The following RYR3 variants were observed in gnomAD, a reference collection of about 807,000 sequenced individuals.
RYR3 encodes the protein ryanodine receptor 3, also known as brain ryanodine receptor-calcium release channel.
A neutral mutation model predicts 584.3 loss-of-function variants in RYR3; 207 were observed. That is an observed-to-expected ratio of 0.35 (90% CI 0.32 to 0.40). The LOEUF (loss-of-function observed/expected upper bound fraction) is 0.40. Among genes scored for constraint, RYR3 ranks in the 10% least tolerant of loss-of-function variants. The pLI, the probability that RYR3 is intolerant of heterozygous loss-of-function variation, is 1.00. For synonymous variants in RYR3, 2,416 were observed against 2,248.5 expected, an observed-to-expected ratio of 1.07 and a Z score of -2.11; for missense variants, 5,616 against 6,089.2, an observed-to-expected ratio of 0.92 and a Z score of 2.59.
At chr15:33,503,055 A>C (rs1469432296) in intron 2 of RYR3, among the ~76,000 whole-genome samples, 1 of 152,220 alleles carries the variant, frequency 6.6e-6, no homozygotes, top group South Asian at 2.1e-4. Context: ...AACTGATTCT[A>C]ATAAATTGGA....
Position 33,748,134 on chromosome 15 carries a change from G to T in RYR3, c.8010G>T (p.Trp2670Cys), listed in dbSNP as rs2070927866. The T allele has an allele frequency of 6.2e-7, 1 of 1,613,802 alleles. No homozygotes were observed. Among genetic ancestry groups the T allele is most frequent in the Non-Finnish European group, 8.5e-7 (1 of 1,179,836 alleles). ...LTEKEKEIYR[W>C]PARESLKTML... is the part of the protein sequence containing the mutation. ...TCTAGGAGAAGGAAATTTATCGCTG[G>T]CCTGCGCGAGAGTCCCTGAAAACCA... is the stretch of plus-strand genomic sequence containing the variant. Residue 2670 changes from tryptophan (W) to cysteine (C), a missense_variant, in exon 54 of 104, where the codon TGG becomes TGT. Physicochemically the swap from Trp to Cys is radical, Grantham distance 215 (BLOSUM62 -2). Transcript: ENST00000634891.
At chr15:33,728,701 G>A (rs1009208263) in intron 46 of RYR3, among the ~76,000 whole-genome samples, 156 bp from the exon 47 acceptor site, 2 of 152,130 alleles carry the variant, frequency 1.3e-5, no homozygotes, top group Admixed American at 6.5e-5. Flanking sequence ...TGCATTTCAG[G>A]TTTCAGATTT....
At chr15:33,768,316 T>G (rs926392099) in intron 60 of RYR3, among the ~76,000 whole-genome samples, 1 of 152,246 alleles carries the variant, frequency 6.6e-6, no homozygotes, top group Non-Finnish European at 1.5e-5. Context: ...TCTTCATTTA[T>G]CCCTGAATGT....
At chr15:33,463,315 C>T (rs1209311762) in intron 1 of RYR3, among the ~76,000 whole-genome samples, 1 of 152,106 alleles carries the variant, frequency 6.6e-6, no homozygotes, top group Non-Finnish European at 1.5e-5. Flanking sequence ...ATTCATTCTT[C>T]TCCATGGCTG....
rs189438870 is a variant in RYR3, at chr15:33,865,771, A to C, written c.*545A>C. The stretch of plus-strand genomic sequence containing the variant: ...TTTGTCGACACTGAAATATCGATTA[A>C]GTGCCTTAAAACCTCTTTAGACATA... On this transcript the variant is annotated 3_prime_UTR_variant, in exon 104 of 104. Transcript: ENST00000634891. 914 of 153,592 alleles carry C rather than the reference A, an allele frequency of 6.0e-3. 4 individuals carry two copies. The highest frequency in any genetic ancestry group is 9.4e-3 in the Non-Finnish European group (645 of 68,608). The allele number at this position is 153,592 out of a possible 1,614,324, so 9.5% of individuals were successfully genotyped here.
At chr15:33,732,225 CA>C (rs34543725) in intron 48 of RYR3, among the ~76,000 whole-genome samples, 17,163 of 132,638 alleles carry the variant, frequency 0.13, 1,055 homozygotes, top group East Asian at 0.3. Context: ...ACTAAAAATA[CA>C]AAAAAAAAAA....
intron 98 of RYR3, among the ~76,000 whole-genome samples, chr15:33,857,445 CTCTTTGAAG>C (rs2079808703): frequency 6.6e-6 from 1 of 152,054 alleles, no homozygotes; most frequent in Admixed American, 6.5e-5. Flanking sequence ...ACTTACTCAC[CTCTTTGAAG>C]GCTGTATCTC....
rs1333153531 is a variant in RYR3, at chr15:33,864,009, C to T, written c.14466-129C>T. ...GGTTTGTGTCCTTATGCCACACTTC[C>T]CTGATCATTTAAGTCACTGTAGATA... is the stretch of plus-strand genomic sequence containing the variant. On this transcript the variant is annotated intron_variant, in intron 102 of 103. Coordinates refer to ENST00000634891, the MANE Select transcript of RYR3 (RefSeq NM_001036.6). The T allele has an allele frequency of 1.6e-5, 10 of 630,024 alleles. No individual in the cohort carries two copies. The East Asian group carries it at 2.5e-4, about 16-fold the overall frequency. 39.0% of individuals were successfully genotyped at this position (630,024 alleles called of 1,614,324 possible). A position where few individuals can be genotyped will look rare whatever the true frequency, so the allele number is the denominator to read the frequency against.
intron 1 of RYR3, among the ~76,000 whole-genome samples, chr15:33,418,310 G>A (rs1205458043): frequency 1.3e-5 from 2 of 151,262 alleles, no homozygotes; most frequent in African/African-American, 4.9e-5. Context: ...TCTGGTCCAG[G>A]GCTTTTTCTC....
Position 33,670,567 on chromosome 15 carries a change from T to A in RYR3, c.5860+11T>A. ...AGGAGAGATGCCCCAGTAAGTGACATTGCCTTTAAATGACAGTGTGCTCTT... is the reference window on the plus strand; with the variant it reads ...AGGAGAGATGCCCCAGTAAGTGACAATGCCTTTAAATGACAGTGTGCTCTT... On this transcript the variant is annotated intron_variant, in intron 38 of 103. Coordinates refer to ENST00000634891, the MANE Select transcript of RYR3 (RefSeq NM_001036.6). The A allele has an allele frequency of 6.4e-7, 1 of 1,554,490 alleles. No individual in the cohort carries two copies. The highest frequency in any genetic ancestry group is 8.6e-7 in the Non-Finnish European group (1 of 1,158,004).
At chr15:33,717,322 G>C (rs1039612181) in intron 43 of RYR3, among the ~76,000 whole-genome samples, 1 of 152,114 alleles carries the variant, frequency 6.6e-6, no homozygotes, top group Non-Finnish European at 1.5e-5. Flanking sequence ...ACATCTTAAA[G>C]CTGAGTATGT....
At chr15:33,331,773 AAAATT>A (rs1483792079) in intron 1 of RYR3, among the ~76,000 whole-genome samples, 29 of 152,188 alleles carry the variant, frequency 1.9e-4, no homozygotes, top group African/African-American at 6.3e-4. Context: ...TAAGAAAAAC[AAAATT>A]AAATTAAAAT....
At chr15:33,375,691 A>C (rs1357229591) in intron 1 of RYR3, among the ~76,000 whole-genome samples, 1 of 152,216 alleles carries the variant, frequency 6.6e-6, no homozygotes, top group Non-Finnish European at 1.5e-5. Context: ...TACACAGTAA[A>C]ATGCACAGAT....
intron 16 of RYR3, among the ~76,000 whole-genome samples, chr15:33,589,510 C>T (rs894380456): frequency 6.6e-6 from 1 of 152,074 alleles, no homozygotes; most frequent in African/African-American, 2.4e-5. Context: ...GTGCTTCTGA[C>T]GTCTTAGTCA....
intron 38 of RYR3, among the ~76,000 whole-genome samples, chr15:33,688,427 G>T (rs2065169974): frequency 6.6e-6 from 1 of 152,018 alleles, no homozygotes; most frequent in African/African-American, 2.4e-5. Flanking sequence ...CAAAAAATTA[G>T]CCAGGCGTGG....
At chr15:33,447,802 A>G (rs1272111708) in intron 1 of RYR3, among the ~76,000 whole-genome samples, 1 of 152,154 alleles carries the variant, frequency 6.6e-6, no homozygotes, top group African/African-American at 2.4e-5. Context: ...GTTCAGCATA[A>G]TTCTAAAGCC....
intron 1 of RYR3, among the ~76,000 whole-genome samples, chr15:33,382,363 G>A (rs570838139): frequency 2.7e-4 from 32 of 118,624 alleles, no homozygotes; most frequent in African/African-American, 7.9e-4. Flanking sequence ...TCGCTTTGTC[G>A]CCCAGGCTGG....
At chr15:33,642,806 G>T (rs1441615898) in intron 27 of RYR3, among the ~76,000 whole-genome samples, 1 of 152,234 alleles carries the variant, frequency 6.6e-6, no homozygotes, top group Non-Finnish European at 1.5e-5. Context: ...ACTGTCCTGA[G>T]AGGTAGGGGT....
At chr15:33,663,050 T>A in intron 35 of RYR3, 102 bp downstream of exon 35, 1 of 1,056,596 alleles carries the variant, frequency 9.5e-7, no homozygotes, top group Admixed American at 2.1e-5. Context: ...GTATGTCAAG[T>A]GCTTGGCATA....
Sources: gnomAD v4.1 joint callset for allele counts (sites outside exome capture counted in the v4.1 genomes callset) on GRCh38, gnomAD v4.1.1 for gene constraint, MANE v1.5 for transcripts, NCBI Gene and HGNC (gene_info 2026-07-23, HGNC 2026-07-21) for gene names.